Variants in LIMCH1 observed in about 807,000 individuals in gnomAD.
LIMCH1 encodes LIM and calponin homology domains 1, also known as LIM and calponin homology domains-containing protein 1.
In LIMCH1, 113 loss-of-function variants were observed where a neutral mutation model predicts 176.5. That is an observed-to-expected ratio of 0.64 (90% CI 0.55 to 0.75). The LOEUF is 0.75. Ranked by LOEUF, LIMCH1 falls within the 30% of genes least tolerant of loss-of-function variation. The pLI, the probability that LIMCH1 is intolerant of heterozygous loss-of-function variation, is 0.00. For missense variants in LIMCH1, 1,674 were observed against 1,814.9 expected (o/e 0.92, Z 1.41); for synonymous variants, 619 against 645.9 (o/e 0.96, Z 0.63).
upstream of LIMCH1, among the ~76,000 whole-genome samples, chr4:41,535,872 T>C (rs1008148295): frequency 7.2e-5 from 11 of 152,122 alleles, no homozygotes; most frequent in African/African-American, 9.7e-5. Flanking sequence ...AGCTTTTTTT[T>C]CCCCAACTTC....
chr4:41,629,647 G>A lies in LIMCH1; in HGVS notation c.1184G>A (p.Arg395His), dbSNP rs1315308932. 8 of 1,535,954 alleles carry A rather than the reference G, an allele frequency of 5.2e-6. No homozygotes were observed. The highest frequency in any genetic ancestry group is 2.4e-5 in the East Asian group (1 of 40,922). The change falls in exon 9 of 32, where the codon CGC becomes CAC. Residue 395 changes from arginine to histidine, a missense_variant. This residue lies in a region of LIMCH1 where 655 missense variants were observed against 692.2 expected (regional missense o/e 0.95). Transcript: ENST00000503057. ...ATTCAGGGCAGCCTTGCCCCTCACC[G>A]CGAGCCCCCGAGCTTCATTACGCTC... ...QRIQGSLAPH[R>H]EPPSFITLSN...
chr4:41,564,588 G>A (rs544209948), intron 1 of LIMCH1, among the ~76,000 whole-genome samples: 7 of 152,154 alleles, frequency 4.6e-5, no homozygotes, highest in Non-Finnish European at 8.8e-5. Flanking sequence ...TGAAATTAAT[G>A]TATCCTATTC....
At chr4:41,415,993 A>G (rs1240620330) in intron 1 of LIMCH1, among the ~76,000 whole-genome samples, 3 of 151,774 alleles carry the variant, frequency 2.0e-5, no homozygotes, top group African/African-American at 4.8e-5. Flanking sequence ...AAAAAAAGGA[A>G]TAACTTGCCC....
intron 1 of LIMCH1, among the ~76,000 whole-genome samples, chr4:41,578,872 T>A (rs891610933): frequency 6.6e-6 from 1 of 152,010 alleles, no homozygotes; most frequent in Non-Finnish European, 1.5e-5. Flanking sequence ...TGGCTAATTT[T>A]TAAATTTTTT....
upstream of LIMCH1, among the ~76,000 whole-genome samples, chr4:41,535,764 C>T (rs1263082644): frequency 6.6e-6 from 1 of 152,188 alleles, no homozygotes; most frequent in East Asian, 1.9e-4. Flanking sequence ...AGTCTAATAT[C>T]CTCTTTCTGC....
chr4:41,491,539 C>T (rs1338701170), intron 1 of LIMCH1, among the ~76,000 whole-genome samples: 10 of 146,050 alleles, frequency 6.8e-5, no homozygotes, highest in African/African-American at 2.1e-4. Context: ...CCATACTGGG[C>T]GGCCGGGTAG....
intron 1 of LIMCH1, among the ~76,000 whole-genome samples, chr4:41,399,840 A>ATTTTTTTTTTTTTTTTT (rs71198650): frequency 2.0e-3 from 232 of 114,036 alleles, no homozygotes; most frequent in Middle Eastern, 4.4e-3. Context: ...TGCCCGGCTA[A>ATTTTTTTTTTTTTTTTT]TTTTTTTTTT....
chr4:41,370,133 C>T (rs950840808), intron 1 of LIMCH1, among the ~76,000 whole-genome samples: 4 of 152,068 alleles, frequency 2.6e-5, no homozygotes, highest in Admixed American at 6.6e-5. Context: ...GGCTGCAAGG[C>T]GGGAGAGCAG....
Position 41,680,943 on chromosome 4 carries a change from C to T in LIMCH1, c.3613-12C>T, listed in dbSNP as rs757011665. The stretch of plus-strand genomic sequence containing the variant: ...TTTCCCCCCTTTCATCGATTCCTGT[C>T]CTTCCCCTTAGGAGCGTAAGATAAT... On this transcript the variant is annotated splice_polypyrimidine_tract_variant and intron_variant, in intron 24 of 31. Transcript: ENST00000503057. 1 of 1,462,006 alleles carries T rather than the reference C, an allele frequency of 6.8e-7. No individual in the cohort carries two copies. Among genetic ancestry groups the T allele is most frequent in the South Asian group, 1.2e-5 (1 of 85,404 alleles). 90.6% of individuals were successfully genotyped at this position (1,462,006 alleles called of 1,614,324 possible). A position where few individuals can be genotyped will look rare whatever the true frequency, so the allele number is the denominator to read the frequency against.
intron 24 of LIMCH1, 51 bp from the exon 25 acceptor site, chr4:41,680,902 CAA>C (rs1323275781): frequency 8.8e-6 from 9 of 1,024,634 alleles, no homozygotes; most frequent in Admixed American, 2.0e-5. Context: ...TTTGTCTTGA[CAA>C]ATATGATTTT....
At chr4:41,370,945 C>G (rs925727619) in intron 1 of LIMCH1, among the ~76,000 whole-genome samples, 15 of 152,182 alleles carry the variant, frequency 9.9e-5, no homozygotes, top group African/African-American at 1.7e-4. Context: ...CTTGAAGCCA[C>G]ACAGATAATC....
intron 1 of LIMCH1, among the ~76,000 whole-genome samples, chr4:41,367,620 C>T (rs1014817161): frequency 7.7e-5 from 10 of 130,110 alleles, no homozygotes; most frequent in African/African-American, 2.9e-4. Context: ...GCTGGTGGAT[C>T]ATGAGGTTTG....
chr4:41,415,216 TG>T (rs569606899), intron 1 of LIMCH1, among the ~76,000 whole-genome samples: 1 of 152,296 alleles, frequency 6.6e-6, no homozygotes, highest in Non-Finnish European at 1.5e-5. Context: ...GATTAATTTC[TG>T]TTGTTGTTTT....
At chr4:41,621,690 TG>T (rs1249006381) in intron 7 of LIMCH1, among the ~76,000 whole-genome samples, 6 of 151,992 alleles carry the variant, frequency 3.9e-5, no homozygotes, top group Admixed American at 2.0e-4. Context: ...TTAGTAGAGA[TG>T]GGGTTTTACC....
chr4:41,528,098 T>C (rs1200243579), intron 3 of LIMCH1, among the ~76,000 whole-genome samples: 1 of 151,472 alleles, frequency 6.6e-6, no homozygotes, highest in African/African-American at 2.4e-5. Flanking sequence ...ATGGCAAATA[T>C]ATATGCTGGA....
In LIMCH1 at chr4:41,486,977, T is replaced by TACACACACACACACACACAC. The variant is rs71927545; in HGVS notation, c.97-7553_97-7534dup. On this transcript the variant is annotated intron_variant, in intron 1 of 26. Coordinates refer to the LIMCH1 transcript ENST00000313860. ...ATATATATACACACACACACATACATACACACACACACACACACACACACA... is the reference window on the plus strand; with the variant it reads ...ATATATATACACACACACACATACATACACACACACACACACACACACACACACACACACACACACACACA... 3.6e-3 allele frequency among the ~76,000 whole-genome samples: 492 copies of TACACACACACACACACACAC among 138,450 alleles called. 2 individuals are homozygous for TACACACACACACACACACAC. The highest frequency in any genetic ancestry group is 0.012 in the African/African-American group (457 of 38,224). 90.8% of individuals were successfully genotyped at this position (138,450 alleles called of 152,430 possible). A position where few individuals can be genotyped will look rare whatever the true frequency, so the allele number is the denominator to read the frequency against.
intron 1 of LIMCH1, among the ~76,000 whole-genome samples, chr4:41,433,927 C>T (rs558136551): frequency 4.6e-5 from 7 of 152,216 alleles, no homozygotes; most frequent in Non-Finnish European, 1.0e-4. Flanking sequence ...CAGAGGGGCT[C>T]GTCTTAGCTG....
intron 1 of LIMCH1, among the ~76,000 whole-genome samples, chr4:41,397,043 C>T (rs2057877031): frequency 6.6e-6 from 1 of 152,216 alleles, no homozygotes; most frequent in African/African-American, 2.4e-5. Flanking sequence ...CAAGTCCCTC[C>T]TCCTAAGCCA....
At chr4:41,532,293 G>C (rs116114800) in intron 3 of LIMCH1, among the ~76,000 whole-genome samples, 1 of 152,102 alleles carries the variant, frequency 6.6e-6, no homozygotes, top group East Asian at 1.9e-4. Flanking sequence ...GTGTGCTGCT[G>C]TTTGAAACAG....
Sources: gnomAD v4.1 joint callset for allele counts (sites outside exome capture counted in the v4.1 genomes callset) on GRCh38, gnomAD v4.1.1 for gene constraint, gnomAD v4.1.1 regional missense constraint, MANE v1.5 for transcripts, NCBI Gene and HGNC (gene_info 2026-07-23, HGNC 2026-07-21) for gene names.